The following CDC14B variants were observed in gnomAD, a reference collection of about 807,000 sequenced individuals.
CDC14B encodes the protein cell division cycle 14B, also known as dual specificity protein phosphatase CDC14B.
Under a neutral mutation model 64.2 loss-of-function variants are expected in CDC14B, and 22 were observed. That is an observed-to-expected ratio of 0.34 (90% confidence interval 0.24 to 0.49). The LOEUF is 0.49. CDC14B is among the 20% of genes least tolerant of loss of function. The probability of loss-of-function intolerance (pLI) is 0.99; values close to 1 mark genes in which losing one functional copy is unlikely to be tolerated. For synonymous variants in CDC14B, 191 were observed against 215.8 expected (o/e 0.89, Z 1.01); for missense variants, 498 against 629.9 (o/e 0.79, Z 2.24).
intron 3 of CDC14B, 32 bp downstream of exon 3, chr9:96,564,745 T>A (rs1564349885): frequency 2.2e-6 from 3 of 1,345,362 alleles, no homozygotes; most frequent in Non-Finnish European, 2.1e-6. Flanking sequence ...AAGCTAACAA[T>A]GATTACTTAA....
intron 1 of CDC14B, among the ~76,000 whole-genome samples, chr9:96,588,521 C>G (rs1261631937): frequency 6.6e-6 from 1 of 152,196 alleles, no homozygotes. Context: ...TAGGGCTCAT[C>G]TGTCGCCCAG....
At chr9:96,526,493 G>T (rs1166371368) in intron 9 of CDC14B, among the ~76,000 whole-genome samples, 1 of 152,204 alleles carries the variant, frequency 6.6e-6, no homozygotes, top group Admixed American at 6.5e-5. Context: ...CCAGTGCCTT[G>T]CCCTTAGACT....
chr9:96,576,424 A>C (rs1370494480), intron 1 of CDC14B, among the ~76,000 whole-genome samples: 2 of 152,100 alleles, frequency 1.3e-5, no homozygotes, highest in African/African-American at 4.8e-5. Flanking sequence ...TGAGGTCAGG[A>C]GTTTGAGACC....
At chr9:96,567,165 G>A (rs1265560865) in intron 1 of CDC14B, 3 of 375,996 alleles carry the variant, frequency 8.0e-6, no homozygotes, top group Admixed American at 4.1e-5. Context: ...CAAACGCTCC[G>A]CAGAGGGGAC....
rs533485848 is a variant in CDC14B at position 96,586,185 on chromosome 9, G to A, written c.161-20702C>T. 1.8e-3 allele frequency among the ~76,000 whole-genome samples: 272 copies of A among 152,024 alleles called. 1 individual carries two copies. The highest frequency in any genetic ancestry group is 3.4e-3 in the Middle Eastern group (1 of 294). ...GATTTTTTTAAAACCTGGGGTGGGG[G>A]AGGGAAGGCCACCCAAAAACTCTTA... On this transcript the variant is annotated intron_variant, in intron 1 of 13. Coordinates refer to ENST00000375241, the MANE Select transcript of CDC14B (RefSeq NM_033331.4).
At position 96,526,783 on chromosome 9, in the gene CDC14B, C is replaced by G. The variant is rs146119091; in HGVS notation, c.947-3058G>C. Among the ~76,000 whole-genome samples, 102 of 152,208 alleles carry G rather than the reference C, an allele frequency of 6.7e-4. 2 individuals are homozygous for G. Among genetic ancestry groups the G allele is most frequent in the African/African-American group, 2.4e-3 (100 of 41,532 alleles). On this transcript the variant is annotated intron_variant, in intron 9 of 13. Transcript: ENST00000375241. ...ATTTATAGTGAGGAGCTGTCCTGTGCGCTGTAGGATGTTTAGCAGCATCGC... is the reference window on the plus strand; with the variant it reads ...ATTTATAGTGAGGAGCTGTCCTGTGGGCTGTAGGATGTTTAGCAGCATCGC...
intron 4 of CDC14B, among the ~76,000 whole-genome samples, chr9:96,560,937 CT>C (rs1366587484): frequency 1.3e-5 from 2 of 150,796 alleles, no homozygotes; most frequent in African/African-American, 2.4e-5. Flanking sequence ...TTCTCAGAAA[CT>C]TTTTTTTTCT....
Position 96,577,634 on chromosome 9 carries a change from C to T in CDC14B, c.161-12151G>A, listed in dbSNP as rs148936637. 5.2e-3 allele frequency among the ~76,000 whole-genome samples: 797 copies of T among 152,254 alleles called. 6 individuals are homozygous for T. The highest frequency in any genetic ancestry group is 0.019 in the African/African-American group (773 of 41,524). The stretch of plus-strand genomic sequence containing the variant: ...CCACTCCCAGGCCAGACCACTAATC[C>T]ATGGTGCCAAGACCCCACCGAACTC... On this transcript the variant is annotated intron_variant, in intron 1 of 13. Coordinates refer to ENST00000375241, the MANE Select transcript of CDC14B (RefSeq NM_033331.4).
chr9:96,569,095 G>A (rs1057018373), intron 1 of CDC14B, among the ~76,000 whole-genome samples: 6 of 152,098 alleles, frequency 3.9e-5, no homozygotes, highest in African/African-American at 7.2e-5. Flanking sequence ...CTTCATAGTC[G>A]GTGTCTAGAA....
At position 96,539,158 on chromosome 9, in the gene CDC14B, G is replaced by GAA; in HGVS notation, c.565-19_565-18insTT. 6.4e-7 allele frequency: 1 copy of GAA among 1,561,692 alleles called. No individual in the cohort carries two copies. The highest frequency in any genetic ancestry group is 8.8e-7 in the Non-Finnish European group (1 of 1,135,254). On this transcript the variant is annotated intron_variant, in intron 6 of 13. Coordinates refer to ENST00000375241, the MANE Select transcript of CDC14B (RefSeq NM_033331.4). Reference sequence around the variant, plus strand: ...TGCATTGCCTAAAATCCAAAAGAAAGCTTTTAAGAACAAGGATGCAAATAA... The same window carrying GAA: ...TGCATTGCCTAAAATCCAAAAGAAAGAACTTTTAAGAACAAGGATGCAAATAA...
chr9:96,543,707 G>T (rs1840409792), intron 5 of CDC14B, among the ~76,000 whole-genome samples: 1 of 152,130 alleles, frequency 6.6e-6, no homozygotes, highest in South Asian at 2.1e-4. Flanking sequence ...AAATCTTCTG[G>T]AATTAGGCAA....
intron 1 of CDC14B, among the ~76,000 whole-genome samples, chr9:96,614,691 C>T (rs990053945): frequency 6.6e-6 from 1 of 152,056 alleles, no homozygotes; most frequent in African/African-American, 2.4e-5. Flanking sequence ...AGACCTCTGA[C>T]ATTAAGGAGG....
At chr9:96,599,777 C>CA (rs1405161396) in intron 1 of CDC14B, among the ~76,000 whole-genome samples, 1 of 151,758 alleles carries the variant, frequency 6.6e-6, no homozygotes, top group Non-Finnish European at 1.5e-5. Flanking sequence ...CTCACTTTGT[C>CA]ACCAGGCTGG....
chr9:96,537,291 AAAAG>A (rs1839407174), intron 7 of CDC14B, among the ~76,000 whole-genome samples: 1 of 152,186 alleles, frequency 6.6e-6, no homozygotes, highest in Non-Finnish European at 1.5e-5. Context: ...CTGTCTCTAA[AAAAG>A]AAAGAAAGAA....
chr9:96,503,672 G>A lies in CDC14B; in HGVS notation c.*81C>T. On this transcript the variant is annotated 3_prime_UTR_variant, in exon 14 of 14. Coordinates refer to ENST00000375241, the MANE Select transcript of CDC14B (RefSeq NM_033331.4). ...AAGCAACTAAGGCTTTTGCAATTTT[G>A]TTTTGTTTTCAAATTGTGCTAATTT... is the stretch of plus-strand genomic sequence containing the variant. 7.6e-7 allele frequency: 1 copy of A among 1,310,098 alleles called. No individual in the cohort carries two copies. The highest frequency in any genetic ancestry group is 1.3e-5 in the South Asian group (1 of 79,690). 81.2% of individuals were successfully genotyped at this position (1,310,098 alleles called of 1,614,324 possible).
chr9:96,523,175 T>A, intron 11 of CDC14B, 86 bp downstream of exon 11: 1 of 1,393,394 alleles, frequency 7.2e-7, no homozygotes, highest in Non-Finnish European at 9.9e-7. Context: ...GCTTTATTAT[T>A]TTACCTACGG....
At chr9:96,597,130 A>G (rs970925002) in intron 1 of CDC14B, among the ~76,000 whole-genome samples, 1 of 152,188 alleles carries the variant, frequency 6.6e-6, no homozygotes, top group Non-Finnish European at 1.5e-5. Flanking sequence ...CAGCCAGAGA[A>G]AAAAGAAATA....
At chr9:96,582,902 T>C (rs971501186) in intron 1 of CDC14B, among the ~76,000 whole-genome samples, 1 of 152,184 alleles carries the variant, frequency 6.6e-6, no homozygotes, top group East Asian at 1.9e-4. Flanking sequence ...CTGGGTTGTT[T>C]ATTTACTTTA....
At position 96,533,984 on chromosome 9, in the gene CDC14B, T is replaced by C; in HGVS notation, c.889A>G (p.Lys297Glu). ...DGSTPTDAIVKEFLDICENAE... is the reference protein window; with the variant it reads ...DGSTPTDAIVEEFLDICENAE... ...TTTTCACAGATATCTAGGAATTCTTTGACAATGGCATCAGTAGGGGTGCTG... is the reference window on the plus strand; with the variant it reads ...TTTTCACAGATATCTAGGAATTCTTCGACAATGGCATCAGTAGGGGTGCTG... Residue 297 changes from lysine to glutamate, a missense_variant, in exon 9 of 14, where the codon AAA (lysine) becomes GAA (glutamate). Lys to Glu is a moderately conservative substitution (Grantham distance 56). Coordinates refer to ENST00000375241, the MANE Select transcript of CDC14B (RefSeq NM_033331.4). 4 of 1,613,316 alleles carry C rather than the reference T, an allele frequency of 2.5e-6. No homozygotes were observed. The South Asian group carries it at 4.4e-5, about 18-fold the overall frequency.
Sources: allele counts gnomAD v4.1 joint callset (sites outside exome capture counted in the v4.1 genomes callset), GRCh38; gene constraint gnomAD v4.1.1; transcripts MANE v1.5; gene names NCBI Gene and HGNC (gene_info 2026-07-23, HGNC 2026-07-21).